Variants in FGGY observed in about 807,000 individuals in gnomAD.
FGGY encodes the protein FGGY carbohydrate kinase domain-containing protein.
In FGGY, 72 loss-of-function variants were observed where a neutral mutation model predicts 71.3. The observed-to-expected ratio is 1.01, with a 90% confidence interval of 0.84 to 1.23. The LOEUF is 1.23. FGGY is among the 50% of genes most tolerant of loss of function. FGGY has a pLI of 0.00. For missense variants in FGGY, 668 were observed against 682.3 expected (o/e 0.98, Z 0.23); for synonymous variants, 251 against 250.3 (o/e 1.00, Z -0.02).
chr1:59,575,091 T>A (rs891542844), intron 8 of FGGY, among the ~76,000 whole-genome samples: 2 of 152,208 alleles, frequency 1.3e-5, no homozygotes, highest in Non-Finnish European at 2.9e-5. Flanking sequence ...ACATATTCAT[T>A]ACCTCACATA....
intron 7 of FGGY, among the ~76,000 whole-genome samples, chr1:59,544,188 A>G (rs2095487619): frequency 6.6e-6 from 1 of 152,216 alleles, no homozygotes; most frequent in South Asian, 2.1e-4. Context: ...TTTATGTAAT[A>G]TGTTTTATGT....
chr1:59,489,337 T>G (rs570737166), intron 6 of FGGY, among the ~76,000 whole-genome samples: 1 of 152,190 alleles, frequency 6.6e-6, no homozygotes, highest in East Asian at 1.9e-4. Flanking sequence ...TAGCTGTAAT[T>G]TTGTGTTTTT....
chr1:59,719,948 C>G (rs927758332), intron 14 of FGGY, among the ~76,000 whole-genome samples: 1 of 152,138 alleles, frequency 6.6e-6, no homozygotes, highest in Admixed American at 6.5e-5. Context: ...ATTGAGAGAT[C>G]GACAATTTAC....
chr1:59,440,871 G>A (rs1246316857), intron 5 of FGGY, among the ~76,000 whole-genome samples: 1 of 151,644 alleles, frequency 6.6e-6, no homozygotes, highest in Non-Finnish European at 1.5e-5. Context: ...AAGTACAGAA[G>A]TGAATGGAAG....
intron 4 of FGGY, among the ~76,000 whole-genome samples, chr1:59,376,040 A>G (rs555533285): frequency 6.6e-6 from 1 of 152,118 alleles, no homozygotes; most frequent in South Asian, 2.1e-4. Context: ...CTCCCTGACC[A>G]CTGATTGCTG....
intron 7 of FGGY, among the ~76,000 whole-genome samples, chr1:59,540,367 G>C (rs1221302264): frequency 2.0e-5 from 3 of 152,128 alleles, no homozygotes; most frequent in African/African-American, 7.2e-5. Context: ...ATCAATGTTT[G>C]GTATATTCGT....
chr1:59,760,130 T>A (rs1033594624), intron 15 of FGGY, among the ~76,000 whole-genome samples: 2 of 152,140 alleles, frequency 1.3e-5, no homozygotes, highest in African/African-American at 2.4e-5. Flanking sequence ...AACAACCCAA[T>A]TCAAAAGTGG....
chr1:59,700,895 A>G (rs2097703962), intron 14 of FGGY, among the ~76,000 whole-genome samples: 2 of 152,202 alleles, frequency 1.3e-5, no homozygotes, highest in Admixed American at 6.5e-5. Context: ...CAGAAAGGAC[A>G]GCAAGTGCAA....
At chr1:59,739,626 T>G (rs2098131831) in intron 14 of FGGY, among the ~76,000 whole-genome samples, 1 of 152,246 alleles carries the variant, frequency 6.6e-6, no homozygotes, top group Non-Finnish European at 1.5e-5. Context: ...CATTATGCTT[T>G]GAGTTTTAGT....
intron 14 of FGGY, among the ~76,000 whole-genome samples, chr1:59,688,487 T>C (rs1245352712): frequency 6.6e-6 from 1 of 152,236 alleles, no homozygotes; most frequent in African/African-American, 2.4e-5. Flanking sequence ...CCTGGTCTTG[T>C]AGAAATGACC....
chr1:59,575,595 C>A (rs1470014937), intron 8 of FGGY, among the ~76,000 whole-genome samples: 2 of 152,088 alleles, frequency 1.3e-5, no homozygotes, highest in Non-Finnish European at 2.9e-5. Context: ...ATATTGTTTG[C>A]ATTTCGTTTA....
intron 10 of FGGY, among the ~76,000 whole-genome samples, chr1:59,630,997 C>A (rs1488402143): frequency 6.6e-6 from 1 of 152,186 alleles, no homozygotes. Context: ...CATCAGCCCC[C>A]TGAAACGTTT....
At chr1:59,655,209 G>T (rs1298227469) in intron 11 of FGGY, among the ~76,000 whole-genome samples, 1 of 152,132 alleles carries the variant, frequency 6.6e-6, no homozygotes, top group Non-Finnish European at 1.5e-5. Flanking sequence ...TGCAATTCGA[G>T]AGAAAGAGAA....
At chr1:59,708,694 A>G (rs1306701318) in intron 14 of FGGY, among the ~76,000 whole-genome samples, 2 of 152,316 alleles carry the variant, frequency 1.3e-5, no homozygotes, top group East Asian at 3.9e-4. Flanking sequence ...AAGCCATGGA[A>G]TCAGAAAGGG....
intron 14 of FGGY, among the ~76,000 whole-genome samples, chr1:59,736,839 C>G (rs142083810): frequency 6.6e-6 from 1 of 152,218 alleles, no homozygotes; most frequent in East Asian, 1.9e-4. Flanking sequence ...AGGAGCCGAA[C>G]GTTAATCCCC....
At chr1:59,662,627 T>A (rs2097288008) in intron 12 of FGGY, among the ~76,000 whole-genome samples, 1 of 152,244 alleles carries the variant, frequency 6.6e-6, no homozygotes, top group South Asian at 2.1e-4. Context: ...ACTGTATGTT[T>A]ACTGTACCTT....
intron 4 of FGGY, among the ~76,000 whole-genome samples, chr1:59,363,440 C>G (rs1190335544): frequency 2.0e-5 from 3 of 152,142 alleles, no homozygotes; most frequent in East Asian, 3.9e-4. Context: ...ATTTGATCCC[C>G]CATCAACCCT....
At chr1:59,720,327 G>C (rs2097879466) in intron 14 of FGGY, among the ~76,000 whole-genome samples, 1 of 151,880 alleles carries the variant, frequency 6.6e-6, no homozygotes, top group African/African-American at 2.4e-5. Flanking sequence ...AAGTATGTCA[G>C]GGGGAAAAAA....
intron 14 of FGGY, among the ~76,000 whole-genome samples, chr1:59,698,458 T>C (rs1474797742): frequency 6.6e-6 from 1 of 151,978 alleles, no homozygotes; most frequent in East Asian, 1.9e-4. Context: ...ACACCCCCAT[T>C]ACCAAAGTGT....
Sources: allele counts gnomAD v4.1 joint callset (sites outside exome capture counted in the v4.1 genomes callset), GRCh38; gene constraint gnomAD v4.1.1; transcripts MANE v1.5; gene names NCBI Gene and HGNC (gene_info 2026-07-23, HGNC 2026-07-21).